GSDMC: variants seen among roughly 807,000 people sequenced by gnomAD.
The protein encoded by GSDMC is gasdermin-C.
GSDMC carries 59 observed loss-of-function variants against 58.0 expected under a neutral mutation model. That is an observed-to-expected ratio of 1.02 (90% CI 0.82 to 1.26). The LOEUF is 1.26. Ranked by LOEUF, GSDMC falls within the 50% of genes most tolerant of loss-of-function variation. GSDMC has a pLI of 0.00. For missense variants in GSDMC, 659 were observed against 598.5 expected, an observed-to-expected ratio of 1.10 and a Z score of -1.06; for synonymous variants, 241 against 220.2, an observed-to-expected ratio of 1.09 and a Z score of -0.83.
At chr8:129,770,751 A>G (rs564314909) in intron 3 of GSDMC, among the ~76,000 whole-genome samples, 1 of 152,046 alleles carries the variant, frequency 6.6e-6, no homozygotes, top group South Asian at 2.1e-4. Flanking sequence ...AAGTCATAAA[A>G]CAATTAAAAT....
intron 3 of GSDMC, among the ~76,000 whole-genome samples, chr8:129,769,411 G>A (rs893490730): frequency 2.0e-5 from 3 of 152,148 alleles, no homozygotes; most frequent in Non-Finnish European, 4.4e-5. Context: ...GTTTTCTGTT[G>A]CTATAAGAGA....
In GSDMC at chr8:129,750,145, A is replaced by G. The variant is rs982431557; in HGVS notation, c.1084-26T>C. Reference sequence around the variant, plus strand: ...CTATAGAAGACAGGTATTATTGTTAATAATAATACTAATAACAGTAATGTT... The same window carrying G: ...CTATAGAAGACAGGTATTATTGTTAGTAATAATACTAATAACAGTAATGTT... On this transcript the variant is annotated intron_variant, in intron 11 of 13. Transcript: ENST00000276708. The G allele has an allele frequency of 4.0e-6, 6 of 1,493,172 alleles. No homozygotes were observed. In the African/African-American group the frequency reaches 8.5e-5, roughly 21 times the overall value. The allele number at this position is 1,493,172 out of a possible 1,614,324, so 92.5% of individuals were successfully genotyped here.
Position 129,750,053 on chromosome 8 carries a change from C to G in GSDMC, c.1150G>C (p.Asp384His), listed in dbSNP as rs764604422. ...GGGTTAAACCATGCATGGTTTGAATCCTGTTGAAGTTTCTTTAGGATGGCA... is the reference window on the plus strand; with the variant it reads ...GGGTTAAACCATGCATGGTTTGAATGCTGTTGAAGTTTCTTTAGGATGGCA... Reference protein sequence around the residue: ...GGAILKKLQQDSNHAWFNPKD... With the variant: ...GGAILKKLQQHSNHAWFNPKD... Residue 384 changes from aspartate (D) to histidine (H), a missense_variant, in exon 12 of 14, where the codon GAT (aspartate) becomes CAT (histidine). Transcript: ENST00000276708. The G allele has an allele frequency of 1.5e-5, 24 of 1,610,738 alleles. No homozygotes were observed. Among genetic ancestry groups the G allele is most frequent in the East Asian group, 1.1e-4 (5 of 44,844 alleles).
intron 6 of GSDMC, among the ~76,000 whole-genome samples, chr8:129,757,364 A>G (rs2033481567): frequency 6.6e-6 from 1 of 152,074 alleles, no homozygotes; most frequent in Non-Finnish European, 1.5e-5. Flanking sequence ...GAAATTTAAA[A>G]CCTGAACAGA....
chr8:129,757,566 C>G (rs2033489968), intron 6 of GSDMC, among the ~76,000 whole-genome samples: 1 of 151,512 alleles, frequency 6.6e-6, no homozygotes, highest in Non-Finnish European at 1.5e-5. Context: ...CAGTATTACC[C>G]AGATACCAAA....
intron 6 of GSDMC, 76 bp from the exon 7 acceptor site, chr8:129,752,896 A>T (rs2033271959): frequency 6.2e-7 from 1 of 1,601,332 alleles, no homozygotes; most frequent in Non-Finnish European, 8.5e-7. Flanking sequence ...AGCAGAGAGC[A>T]GAGCCAGGCT....
chr8:129,719,475 A>G, the GSDMC span, among the ~76,000 whole-genome samples: 4 of 152,232 alleles, frequency 2.6e-5, no homozygotes, highest in African/African-American at 4.8e-5. Context: ...AAATTGACAG[A>G]AGATTGGTAA....
intron 1 of GSDMC, among the ~76,000 whole-genome samples, chr8:129,784,332 C>T (rs1211936405): frequency 6.6e-6 from 1 of 152,038 alleles, no homozygotes; most frequent in Non-Finnish European, 1.5e-5. Context: ...AAAATATTTG[C>T]AAACTTCCCA....
intron 4 of GSDMC, among the ~76,000 whole-genome samples, chr8:129,764,893 G>A (rs564517068): frequency 6.6e-6 from 1 of 152,114 alleles, no homozygotes; most frequent in Non-Finnish European, 1.5e-5. Context: ...CTGCAGGTGG[G>A]GGTCCACTAT....
downstream of GSDMC, among the ~76,000 whole-genome samples, chr8:129,744,791 T>C (rs1485641246): frequency 6.6e-6 from 1 of 152,246 alleles, no homozygotes. Context: ...CCTTGTCATA[T>C]GGCCAACCTA....
chr8:129,714,136 C>T, the GSDMC span, among the ~76,000 whole-genome samples: 2 of 152,128 alleles, frequency 1.3e-5, no homozygotes, highest in South Asian at 2.1e-4. Flanking sequence ...TCTCTCACAA[C>T]CCTTCCATTT....
the GSDMC span, among the ~76,000 whole-genome samples, chr8:129,709,496 TGATA>T: frequency 9.5e-4 from 111 of 117,004 alleles, 1 homozygote; most frequent in African/African-American, 5.4e-3. Context: ...AATAGATAGA[TGATA>T]GATAGACAGA....
At chr8:129,719,568 T>C in the GSDMC span, among the ~76,000 whole-genome samples, 24 of 152,206 alleles carry the variant, frequency 1.6e-4, no homozygotes, top group Non-Finnish European at 2.2e-4. Flanking sequence ...ATAAGCATAA[T>C]ACACATTTTT....
intron 3 of GSDMC, among the ~76,000 whole-genome samples, chr8:129,773,785 C>CAAAA (rs3078753): frequency 9.0e-5 from 7 of 77,752 alleles, no homozygotes; most frequent in Admixed American, 1.3e-4. Context: ...GACTCTGTCT[C>CAAAA]AAAAAAAAAA....
At chr8:129,745,892 C>G (rs979964118), downstream of GSDMC, among the ~76,000 whole-genome samples, 3 of 104,174 alleles carry the variant, frequency 2.9e-5, no homozygotes, top group African/African-American at 6.6e-5. Flanking sequence ...GTGAGCCCTC[C>G]TGCCGTTCTA....
chr8:129,734,949 G>A, the GSDMC span, among the ~76,000 whole-genome samples: 1 of 152,044 alleles, frequency 6.6e-6, no homozygotes, highest in African/African-American at 2.4e-5. Flanking sequence ...TCAAATAGAG[G>A]GATGGAGGAA....
chr8:129,773,553 G>A (rs1330442938), intron 3 of GSDMC, among the ~76,000 whole-genome samples: 1 of 152,130 alleles, frequency 6.6e-6, no homozygotes, highest in Non-Finnish European at 1.5e-5. Context: ...GGGAGGCTGA[G>A]GCGGGTGGAT....
chr8:129,780,120 G>GTAGAAAATAGCCTCAAAAGGGCAA (rs1344233821), intron 1 of GSDMC, among the ~76,000 whole-genome samples: 1 of 152,120 alleles, frequency 6.6e-6, no homozygotes, highest in Non-Finnish European at 1.5e-5. Flanking sequence ...GCTACAAGAT[G>GTAGAAAATAGCCTCAAAAGGGCAA]TAGAAAATAG....
chr8:129,767,335 G>A (rs2033896264), intron 3 of GSDMC, among the ~76,000 whole-genome samples: 1 of 152,126 alleles, frequency 6.6e-6, no homozygotes, highest in South Asian at 2.1e-4. Context: ...GCAGAGCACA[G>A]CCTCTGGCCT....
Sources: gnomAD v4.1 joint callset for allele counts (sites outside exome capture counted in the v4.1 genomes callset) on GRCh38, gnomAD v4.1.1 for gene constraint, MANE v1.5 for transcripts, NCBI Gene and HGNC (gene_info 2026-07-23, HGNC 2026-07-21) for gene names.